DPP6: variants seen among roughly 807,000 people sequenced by gnomAD.
The protein encoded by DPP6 is A-type potassium channel modulatory protein DPP6.
A neutral mutation model predicts 122.6 loss-of-function variants in DPP6; 69 were observed. The observed-to-expected ratio is 0.56, with a 90% CI of 0.46 to 0.69. The LOEUF is 0.69. Among genes scored for constraint, DPP6 ranks in the 30% least tolerant of loss-of-function variants. The pLI, the probability that DPP6 is intolerant of heterozygous loss-of-function variation, is 0.00. For missense variants in DPP6, 928 were observed against 1,116.9 expected, an observed-to-expected ratio of 0.83 and a Z score of 2.41; for synonymous variants, 418 against 433.1, an observed-to-expected ratio of 0.97 and a Z score of 0.43.
chr7:153,754,676 G>A, the DPP6 span, among the ~76,000 whole-genome samples: 2 of 152,032 alleles, frequency 1.3e-5, no homozygotes, highest in Non-Finnish European at 2.9e-5. Flanking sequence ...GTTTTATACA[G>A]CTTATATTGC....
At chr7:154,534,630 A>G (rs1445604124) in intron 3 of DPP6, among the ~76,000 whole-genome samples, 1 of 152,190 alleles carries the variant, frequency 6.6e-6, no homozygotes, top group Non-Finnish European at 1.5e-5. Flanking sequence ...ATGAAAAAAT[A>G]TTGGGAAATT....
At chr7:154,038,047 CAT>C (rs1275718209) in intron 1 of DPP6, among the ~76,000 whole-genome samples, 1 of 136,986 alleles carries the variant, frequency 7.3e-6, no homozygotes, top group East Asian at 2.2e-4. Context: ...ACACATAAAA[CAT>C]ATAATGATAC....
Position 154,513,353 on chromosome 7 carries a change from T to C in DPP6, c.458-27179T>C, listed in dbSNP as rs1326116411. The stretch of plus-strand genomic sequence containing the variant: ...ACTCAAATGTAGCTAGAGGAGGCTT[T>C]ACCAGAAAAGCTAATTGCCCCAAAC... On this transcript the variant is annotated intron_variant, in intron 3 of 25. Transcript: ENST00000377770. Among the ~76,000 whole-genome samples the C allele has an allele frequency of 5.9e-5, 9 of 152,340 alleles. 1 individual carries two copies. The highest frequency in any genetic ancestry group is 4.6e-4 in the Admixed American group (7 of 15,296).
chr7:154,749,665 TGA>T (rs1357311816), intron 8 of DPP6, among the ~76,000 whole-genome samples: 2 of 81,112 alleles, frequency 2.5e-5, no homozygotes, highest in African/African-American at 4.5e-5. Context: ...GGGGCATTAC[TGA>T]GAGAGGATGA....
At chr7:154,602,232 C>T (rs1247434811) in intron 5 of DPP6, among the ~76,000 whole-genome samples, 1 of 120,196 alleles carries the variant, frequency 8.3e-6, no homozygotes, top group Non-Finnish European at 1.9e-5. Flanking sequence ...TTTGGTATAT[C>T]GTGTAAAAGC....
chr7:153,871,640 G>T, the DPP6 span, among the ~76,000 whole-genome samples: 1 of 152,138 alleles, frequency 6.6e-6, no homozygotes, highest in South Asian at 2.1e-4. Flanking sequence ...CTTACGCACA[G>T]TGCGCTGCAC....
intron 5 of DPP6, among the ~76,000 whole-genome samples, chr7:154,599,321 T>C (rs1833283541): frequency 1.3e-5 from 2 of 152,126 alleles, no homozygotes; most frequent in Admixed American, 6.5e-5. Flanking sequence ...ACTCTCACAC[T>C]GTTTACCTCT....
At chr7:154,444,111 T>C (rs759978688) in intron 1 of DPP6, among the ~76,000 whole-genome samples, 8 of 152,168 alleles carry the variant, frequency 5.3e-5, no homozygotes, top group African/African-American at 1.2e-4. Flanking sequence ...TATGCTGTGG[T>C]TGTACCCATT....
intron 1 of DPP6, among the ~76,000 whole-genome samples, chr7:154,431,598 G>A (rs1218255591): frequency 1.4e-5 from 2 of 138,828 alleles, no homozygotes; most frequent in Non-Finnish European, 3.0e-5. Context: ...ACAGTGGCAT[G>A]ATCTCAGTTC....
intron 8 of DPP6, among the ~76,000 whole-genome samples, chr7:154,728,896 G>A (rs755143046): frequency 1.6e-4 from 25 of 152,212 alleles, no homozygotes; most frequent in Non-Finnish European, 3.2e-4. Flanking sequence ...ATTCATAGGG[G>A]CAACACCCTC....
chr7:154,407,663 T>C (rs568153641), intron 1 of DPP6, among the ~76,000 whole-genome samples: 2 of 152,322 alleles, frequency 1.3e-5, no homozygotes, highest in East Asian at 1.9e-4. Context: ...ATAAAACTTA[T>C]GGCTTTCTTT....
chr7:153,838,314 A>G, the DPP6 span, among the ~76,000 whole-genome samples: 2 of 152,088 alleles, frequency 1.3e-5, no homozygotes, highest in East Asian at 3.9e-4. Flanking sequence ...GAATTCTGCC[A>G]AAGAGAGACA....
chr7:154,886,813 C>T (rs1033266832), intron 22 of DPP6, among the ~76,000 whole-genome samples: 2 of 152,170 alleles, frequency 1.3e-5, no homozygotes, highest in Non-Finnish European at 2.9e-5. Flanking sequence ...GCAGGGACCA[C>T]GGTGGGCCCA....
chr7:154,499,767 T>C (rs1031174615), intron 3 of DPP6, among the ~76,000 whole-genome samples: 1 of 150,832 alleles, frequency 6.6e-6, no homozygotes, highest in South Asian at 2.1e-4. Flanking sequence ...CCAGATCCCA[T>C]ACACTATATC....
intron 1 of DPP6, among the ~76,000 whole-genome samples, chr7:154,061,354 C>T (rs1355240192): frequency 6.1e-5 from 9 of 147,664 alleles, no homozygotes; most frequent in South Asian, 2.2e-4. Flanking sequence ...CCATTGTATG[C>T]GTCAGAGAGA....
intron 1 of DPP6, among the ~76,000 whole-genome samples, chr7:154,169,812 C>T (rs1797443880): frequency 6.6e-6 from 1 of 152,146 alleles, no homozygotes; most frequent in Non-Finnish European, 1.5e-5. Flanking sequence ...CTCACCCCAA[C>T]CTCTGCCTCC....
intron 2 of DPP6, among the ~76,000 whole-genome samples, chr7:154,466,197 G>T (rs1342992586): frequency 6.6e-6 from 1 of 151,854 alleles, no homozygotes; most frequent in African/African-American, 2.4e-5. Flanking sequence ...ACACACTGGG[G>T]CCTGTCGAGG....
chr7:154,701,602 G>A (rs1258750372), intron 7 of DPP6, among the ~76,000 whole-genome samples: 1 of 152,174 alleles, frequency 6.6e-6, no homozygotes, highest in East Asian at 1.9e-4. Context: ...AGTAGTCCCT[G>A]ACTGCCATAT....
At chr7:154,888,504 G>C (rs1308368925) in intron 23 of DPP6, among the ~76,000 whole-genome samples, 1 of 152,198 alleles carries the variant, frequency 6.6e-6, no homozygotes, top group African/African-American at 2.4e-5. Flanking sequence ...TGCGCAGGGA[G>C]GGAGGCCAGA....
Sources: gnomAD v4.1 joint callset for allele counts (sites outside exome capture counted in the v4.1 genomes callset) on GRCh38, gnomAD v4.1.1 for gene constraint, MANE v1.5 for transcripts, NCBI Gene and HGNC (gene_info 2026-07-23, HGNC 2026-07-21) for gene names.